The following PCDHGA11 variants were observed in gnomAD, a reference collection of about 807,000 sequenced individuals.
PCDHGA11 encodes protocadherin gamma-A11.
PCDHGA11 carries 39 observed loss-of-function variants against 60.4 expected under a neutral mutation model. That is an observed-to-expected ratio of 0.65 (90% CI 0.50 to 0.84). The LOEUF (loss-of-function observed/expected upper bound fraction) is 0.84. Ranked by LOEUF, PCDHGA11 falls within the 40% of genes least tolerant of loss-of-function variation. PCDHGA11 has a pLI of 0.00. For missense variants in PCDHGA11, 1,165 were observed against 1,197.7 expected (o/e 0.97, Z 0.40); for synonymous variants, 533 against 510.3 (o/e 1.04, Z -0.60).
At position 141,490,857 on chromosome 5, in the gene PCDHGA11, C is replaced by G; in HGVS notation, c.2434-3950C>G. 6.2e-7 allele frequency: 1 copy of G among 1,613,832 alleles called. No homozygotes were observed. Among genetic ancestry groups the G allele is most frequent in the Admixed American group, 1.7e-5 (1 of 60,012 alleles). On this transcript the variant is annotated intron_variant, in intron 1 of 3. Coordinates refer to ENST00000398587, the MANE Select transcript of PCDHGA11 (RefSeq NM_018914.3). The surrounding 1 kb of genome is among the most constrained non-coding windows in gnomAD (Gnocchi z 5.4). ...AGATTGTGGTGGGGGTTCGAGACTCCGGCTCTCCCCCATTGCATGCCAACA... is the reference window on the plus strand; with the variant it reads ...AGATTGTGGTGGGGGTTCGAGACTCGGGCTCTCCCCCATTGCATGCCAACA...
intron 1 of PCDHGA11, among the ~76,000 whole-genome samples, chr5:141,465,063 C>T (rs187265709): frequency 8.5e-4 from 129 of 151,534 alleles, no homozygotes; most frequent in South Asian, 1.3e-3. Context: ...TTTGAATTGT[C>T]TGTTCATGTC....
chr5:141,496,077 C>G (rs1269618753), intron 2 of PCDHGA11, among the ~76,000 whole-genome samples: 1 of 152,042 alleles, frequency 6.6e-6, no homozygotes, highest in African/African-American at 2.4e-5. Flanking sequence ...CACACACAAC[C>G]CCCCACCCAC....
chr5:141,501,836 T>G (rs2099811283), intron 2 of PCDHGA11, among the ~76,000 whole-genome samples: 1 of 152,136 alleles, frequency 6.6e-6, no homozygotes, highest in Non-Finnish European at 1.5e-5. Context: ...CCCACCTGTT[T>G]GGCCCTCAAC....
Position 141,422,104 on chromosome 5 carries a change from T to C in PCDHGA11, c.877T>C (p.Phe293Leu). ...RNMESKASEI[F>L]QLDSQTGEVQ... ...CATGGAAAGCAAGGCTTCTGAAATA[T>C]TCCAATTGGATTCACAAACTGGAGA... is the stretch of plus-strand genomic sequence containing the variant. The change falls in exon 1 of 4, where the codon TTC becomes CTC. Residue 293 changes from phenylalanine (F) to leucine (L), a missense_variant. Transcript: ENST00000398587. 6.2e-7 allele frequency: 1 copy of C among 1,607,960 alleles called. No homozygotes were observed. Among genetic ancestry groups the C allele is most frequent in the Non-Finnish European group, 8.5e-7 (1 of 1,178,224 alleles).
chr5:141,507,504 C>T (rs1443873775), intron 3 of PCDHGA11, among the ~76,000 whole-genome samples: 1 of 152,138 alleles, frequency 6.6e-6, no homozygotes, highest in Admixed American at 6.5e-5. Flanking sequence ...TGTCCCAGGT[C>T]TGGTGGGGCT....
chr5:141,431,770 T>A lies in PCDHGA11; in HGVS notation c.2433+8110T>A, dbSNP rs748816389. 7 of 1,614,086 alleles carry A rather than the reference T, an allele frequency of 4.3e-6. No homozygotes were observed. The highest frequency in any genetic ancestry group is 1.3e-5 in the African/African-American group (1 of 74,938). ...CGCGAGCCAAAGTCCTGATCACTGT[T>A]CTGGACGTGAACGACAATGCCCCAG... On this transcript the variant is annotated intron_variant, in intron 1 of 3. Coordinates refer to ENST00000398587, the MANE Select transcript of PCDHGA11 (RefSeq NM_018914.3). This position sits in a 1 kb window ranked among gnomAD's most constrained non-coding sequence, Gnocchi z 4.8.
rs1021096537 is a variant in PCDHGA11, at chr5:141,511,383, T to C, written c.*210T>C. 2 of 1,155,330 alleles carry C rather than the reference T, an allele frequency of 1.7e-6. No homozygotes were observed. Among genetic ancestry groups the C allele is most frequent in the Non-Finnish European group, 2.4e-6 (2 of 841,000 alleles). The allele number at this position is 1,155,330 out of a possible 1,614,324, so 71.6% of individuals were successfully genotyped here. ...GTTGAATATGCAAAAGCAGTTCCGC[T>C]GGGAACCCCCATCCAATCAACTGCT... is the stretch of plus-strand genomic sequence containing the variant. On this transcript the variant is annotated 3_prime_UTR_variant, in exon 4 of 4. Transcript: ENST00000398587.
In PCDHGA11 at chr5:141,476,650, A is replaced by G. The variant is rs2099395609; in HGVS notation, c.2434-18157A>G. 6.2e-7 allele frequency: 1 copy of G among 1,614,126 alleles called. No individual in the cohort carries two copies. The highest frequency in any genetic ancestry group is 1.3e-5 in the African/African-American group (1 of 74,952). On this transcript the variant is annotated intron_variant, in intron 1 of 3. Transcript: ENST00000398587. This position sits in a 1 kb window ranked among gnomAD's most constrained non-coding sequence, Gnocchi z 7.6. Reference sequence around the variant, plus strand: ...AAACCTATGAGCTGAGCCGAAATGAATACTTTGCGCTTCGCGTGCAGACGC... The same window carrying G: ...AAACCTATGAGCTGAGCCGAAATGAGTACTTTGCGCTTCGCGTGCAGACGC...
rs1369956811 is a variant in PCDHGA11, at chr5:141,460,759, A to G, written c.2434-34048A>G. Among the ~76,000 whole-genome samples, 3 of 152,088 alleles carry G rather than the reference A, an allele frequency of 2.0e-5. No individual in the cohort carries two copies. In the East Asian group the frequency reaches 5.8e-4, roughly 29 times the overall value. On this transcript the variant is annotated intron_variant, in intron 1 of 3. Coordinates refer to ENST00000398587, the MANE Select transcript of PCDHGA11 (RefSeq NM_018914.3). ...ATTGTATATATATGTGTACATATAC[A>G]TATTGCATATGTATGTATACATATA...
Position 141,476,698 on chromosome 5 carries a change from G to T in PCDHGA11, c.2434-18109G>T. The T allele has an allele frequency of 4.3e-6, 7 of 1,614,056 alleles. No homozygotes were observed. Among genetic ancestry groups the T allele is most frequent in the Non-Finnish European group, 5.9e-6 (7 of 1,179,986 alleles). ...CGCGGGAGGACAGCACCAAGTACGC[G>T]GAGCTGGTGTTGGAGCGCGCCCTGG... On this transcript the variant is annotated intron_variant, in intron 1 of 3. Coordinates refer to ENST00000398587, the MANE Select transcript of PCDHGA11 (RefSeq NM_018914.3). The surrounding 1 kb of genome is among the most constrained non-coding windows in gnomAD (Gnocchi z 7.6).
In PCDHGA11 at chr5:141,421,902, C is replaced by T. The variant is rs1218675162; in HGVS notation, c.675C>T (p.Gly225=). 4 of 1,613,706 alleles carry T rather than the reference C, an allele frequency of 2.5e-6. No homozygotes were observed. The South Asian group carries it at 3.3e-5, about 13-fold the overall frequency. Residue 225 remains glycine (G), a synonymous_variant, in exon 1 of 4, where the codon GGC becomes GGT. Coordinates refer to ENST00000398587, the MANE Select transcript of PCDHGA11 (RefSeq NM_018914.3). The part of the protein sequence containing the change: ...ALDGGDPIRK[G]AVPIRVVVLD... Reference sequence around the variant, plus strand: ...ATGGAGGCGATCCCATCCGAAAGGGCGCAGTTCCCATTCGTGTGGTGGTCC... The same window carrying T: ...ATGGAGGCGATCCCATCCGAAAGGGTGCAGTTCCCATTCGTGTGGTGGTCC...
intron 1 of PCDHGA11, among the ~76,000 whole-genome samples, chr5:141,452,388 A>G (rs892688242): frequency 3.9e-5 from 6 of 152,210 alleles, no homozygotes; most frequent in Non-Finnish European, 5.9e-5. Flanking sequence ...TAGTATTTAG[A>G]AACTAAGATC....
chr5:141,454,081 T>C (rs1009599234), intron 1 of PCDHGA11, among the ~76,000 whole-genome samples: 2 of 152,198 alleles, frequency 1.3e-5, no homozygotes, highest in African/African-American at 4.8e-5. Flanking sequence ...ATGTTTTCAG[T>C]GAAATTTGAA....
Position 141,485,890 on chromosome 5 carries a change from C to G in PCDHGA11, c.2434-8917C>G. 4 of 1,614,156 alleles carry G rather than the reference C, an allele frequency of 2.5e-6. No individual in the cohort carries two copies. Among genetic ancestry groups the G allele is most frequent in the Non-Finnish European group, 2.5e-6 (3 of 1,180,022 alleles). The stretch of plus-strand genomic sequence containing the variant: ...CCGTGCTGGACGTAAACGACAACGC[C>G]CCAGCCTTCCAGCAATCCAGCTACA... On this transcript the variant is annotated intron_variant, in intron 1 of 3. Coordinates refer to ENST00000398587, the MANE Select transcript of PCDHGA11 (RefSeq NM_018914.3). The surrounding 1 kb of genome is among the most constrained non-coding windows in gnomAD (Gnocchi z 5.7).
At position 141,432,898 on chromosome 5, in the gene PCDHGA11, G is replaced by C. The variant is rs746913952; in HGVS notation, c.2433+9238G>C. ...TGGCCTTCGTCATCTTGCTGCTGGC[G>C]CTCAGGCTGCGGCGCTGGCACAAGT... On this transcript the variant is annotated intron_variant, in intron 1 of 3. Coordinates refer to ENST00000398587, the MANE Select transcript of PCDHGA11 (RefSeq NM_018914.3). The surrounding 1 kb of genome is among the most constrained non-coding windows in gnomAD (Gnocchi z 6.0). 28 of 1,614,056 alleles carry C rather than the reference G, an allele frequency of 1.7e-5. No individual in the cohort carries two copies. In the African/African-American group the frequency reaches 2.4e-4, roughly 14 times the overall value.
At position 141,485,062 on chromosome 5, in the gene PCDHGA11, C is replaced by A; in HGVS notation, c.2434-9745C>A. 1 of 876,340 alleles carries A rather than the reference C, an allele frequency of 1.1e-6. No individual in the cohort carries two copies. Among genetic ancestry groups the A allele is most frequent in the African/African-American group, 1.7e-5 (1 of 59,510 alleles). The allele number at this position is 876,340 out of a possible 1,614,324, so 54.3% of individuals were successfully genotyped here. On this transcript the variant is annotated intron_variant, in intron 1 of 3. Coordinates refer to ENST00000398587, the MANE Select transcript of PCDHGA11 (RefSeq NM_018914.3). This position sits in a 1 kb window ranked among gnomAD's most constrained non-coding sequence, Gnocchi z 5.7. ...CCTTGCGGCGCCGGCCGAACCGCGC[C>A]AGAGCTGGCGCGGGGAAAGGGAGAT...
rs959698297 is a variant in PCDHGA11, at chr5:141,423,561, C to G, written c.2334C>G (p.Asp778Glu). ...HLIFPQPNYGDTLISQESCEK... is the reference protein window; with the variant it reads ...HLIFPQPNYGETLISQESCEK... The stretch of plus-strand genomic sequence containing the variant: ...TTTTCCCCCAGCCCAACTATGGGGA[C>G]ACGCTCATCAGCCAGGAGAGCTGTG... The change falls in exon 1 of 4, where the codon GAC becomes GAG. Residue 778 changes from aspartate to glutamate, a missense_variant. Transcript: ENST00000398587. 7 of 1,613,628 alleles carry G rather than the reference C, an allele frequency of 4.3e-6. No individual in the cohort carries two copies. Among genetic ancestry groups the G allele is most frequent in the Non-Finnish European group, 5.9e-6 (7 of 1,179,692 alleles).
chr5:141,486,148 G>A lies in PCDHGA11; in HGVS notation c.2434-8659G>A. On this transcript the variant is annotated intron_variant, in intron 1 of 3. Coordinates refer to ENST00000398587, the MANE Select transcript of PCDHGA11 (RefSeq NM_018914.3). This position sits in a 1 kb window ranked among gnomAD's most constrained non-coding sequence, Gnocchi z 5.0. ...AATTTGATGTGCGGGCTCGCGATGG[G>A]GGTTCTCCAGCCATGGAGCAACATT... 2 of 1,614,164 alleles carry A rather than the reference G, an allele frequency of 1.2e-6. No homozygotes were observed. The highest frequency in any genetic ancestry group is 1.7e-6 in the Non-Finnish European group (2 of 1,180,026).
chr5:141,481,096 T>C (rs1162625304), intron 1 of PCDHGA11, among the ~76,000 whole-genome samples: 2 of 152,150 alleles, frequency 1.3e-5, no homozygotes, highest in East Asian at 1.9e-4. Flanking sequence ...AAAGCAGTAC[T>C]CTGGAACCTA....
Sources: gnomAD v4.1 joint callset for allele counts (sites outside exome capture counted in the v4.1 genomes callset) on GRCh38, gnomAD v4.1.1 for gene constraint, Gnocchi (gnomAD v3.1) non-coding constraint, MANE v1.5 for transcripts, NCBI Gene and HGNC (gene_info 2026-07-23, HGNC 2026-07-21) for gene names.